Variants in PPP2R5E observed in about 807,000 individuals in gnomAD.
PPP2R5E encodes protein phosphatase 2 regulatory subunit B'epsilon, also known as serine/threonine-protein phosphatase 2A 56 kDa regulatory subunit epsilon isoform.
A neutral mutation model predicts 65.3 loss-of-function variants in PPP2R5E; 4 were observed. The observed-to-expected ratio is 0.06, with a 90% CI of 0.03 to 0.14. PPP2R5E has a LOEUF of 0.14. PPP2R5E is among the 10% of genes least tolerant of loss of function. PPP2R5E has a pLI of 1.00. For missense variants in PPP2R5E, 274 were observed against 556.1 expected, an observed-to-expected ratio of 0.49 and a Z score of 5.10; for synonymous variants, 183 against 187.4, an observed-to-expected ratio of 0.98 and a Z score of 0.19.
Position 63,396,736 on chromosome 14 carries a change from T to G in PPP2R5E, c.550-20A>C. ...CAGAAGCTGTTGTAAATGAAAGACA[T>G]TATAGCTGTCAAAGGCGGTTTCAGA... On this transcript the variant is annotated intron_variant, in intron 5 of 13. Coordinates refer to ENST00000337537, the MANE Select transcript of PPP2R5E (RefSeq NM_006246.5). 1 of 1,609,076 alleles carries G rather than the reference T, an allele frequency of 6.2e-7. No individual in the cohort carries two copies. Among genetic ancestry groups the G allele is most frequent in the Non-Finnish European group, 8.5e-7 (1 of 1,178,384 alleles).
intron 5 of PPP2R5E, among the ~76,000 whole-genome samples, chr14:63,406,138 G>A (rs1271815568): frequency 2.6e-5 from 4 of 152,084 alleles, no homozygotes; most frequent in South Asian, 2.1e-4. Flanking sequence ...TTGGCCAGGC[G>A]CAGTGACTCA....
At chr14:63,522,266 A>G (rs1892947905) in intron 2 of PPP2R5E, among the ~76,000 whole-genome samples, 3 of 152,044 alleles carry the variant, frequency 2.0e-5, no homozygotes, top group Admixed American at 2.0e-4. Context: ...CCCAGGCTGG[A>G]GTGCAGTGGC....
intron 2 of PPP2R5E, among the ~76,000 whole-genome samples, chr14:63,472,826 G>A (rs1054915022): frequency 3.3e-5 from 5 of 152,182 alleles, no homozygotes; most frequent in Admixed American, 6.5e-5. Flanking sequence ...TGGCCAGAAA[G>A]GACTTTACAA....
rs545207708 is a variant in PPP2R5E at position 63,420,011 on chromosome 14, CAG to C, written c.456+1980_456+1981del. Reference sequence around the variant, plus strand: ...GAAATTAATTTGGTCCTGTATTTTACAGAGTCATTAAGTATGGGAAGGATTAA... The same window carrying C: ...GAAATTAATTTGGTCCTGTATTTTACAGTCATTAAGTATGGGAAGGATTAA... On this transcript the variant is annotated intron_variant, in intron 4 of 13. Coordinates refer to ENST00000337537, the MANE Select transcript of PPP2R5E (RefSeq NM_006246.5). 8.6e-4 allele frequency among the ~76,000 whole-genome samples: 131 copies of C among 151,602 alleles called. 1 individual carries two copies. The highest frequency in any genetic ancestry group is 2.8e-3 in the African/African-American group (114 of 41,362).
At chr14:63,531,104 G>T (rs1384200871) in intron 2 of PPP2R5E, among the ~76,000 whole-genome samples, 16 of 152,144 alleles carry the variant, frequency 1.1e-4, no homozygotes, top group Admixed American at 1.0e-3. Flanking sequence ...GGAGGCGGAG[G>T]TTGCAGAGAG....
rs562867716 is a variant in PPP2R5E, at chr14:63,522,347, G to T, written c.157+17182C>A. Among the ~76,000 whole-genome samples the T allele has an allele frequency of 2.8e-4, 42 of 151,888 alleles. No homozygotes were observed. The South Asian group carries it at 5.6e-3, about 20-fold the overall frequency. ...GGCCTCCCAAAGTGCCGAGATTGCA[G>T]CCTCTGCCCGGCCGCCACCCCGTCT... On this transcript the variant is annotated intron_variant, in intron 2 of 13. Coordinates refer to ENST00000337537, the MANE Select transcript of PPP2R5E (RefSeq NM_006246.5).
At chr14:63,514,264 GC>G (rs576504914) in intron 2 of PPP2R5E, among the ~76,000 whole-genome samples, 74 of 152,072 alleles carry the variant, frequency 4.9e-4, no homozygotes, top group African/African-American at 1.6e-3. Context: ...CCTCCTACAT[GC>G]CAGACACTGC....
chr14:63,439,429 C>T (rs1041236332), intron 3 of PPP2R5E, among the ~76,000 whole-genome samples: 25 of 151,968 alleles, frequency 1.6e-4, no homozygotes, highest in African/African-American at 6.0e-4. Flanking sequence ...GGCTAGAGTG[C>T]AATGGCACGA....
intron 2 of PPP2R5E, among the ~76,000 whole-genome samples, chr14:63,462,614 T>C (rs1288020450): frequency 1.3e-5 from 2 of 152,174 alleles, no homozygotes; most frequent in Non-Finnish European, 2.9e-5. Flanking sequence ...TACGTAATGT[T>C]AGTTGAGTAA....
At chr14:63,392,149 T>G in intron 8 of PPP2R5E, 124 bp from the exon 9 acceptor site, 1 of 618,056 alleles carries the variant, frequency 1.6e-6, no homozygotes, top group Non-Finnish European at 2.6e-6. Flanking sequence ...ATTCAATTCA[T>G]TTTAATTATC....
At chr14:63,454,352 G>A (rs765446419) in intron 2 of PPP2R5E, among the ~76,000 whole-genome samples, 9 of 152,098 alleles carry the variant, frequency 5.9e-5, no homozygotes, top group Non-Finnish European at 1.3e-4. Flanking sequence ...AGCTATTGTT[G>A]TGTGTTTATA....
At chr14:63,454,607 C>G (rs1889020520) in intron 2 of PPP2R5E, among the ~76,000 whole-genome samples, 1 of 152,180 alleles carries the variant, frequency 6.6e-6, no homozygotes, top group Admixed American at 6.5e-5. Context: ...CCGCAAACAG[C>G]AGGTCAGACA....
intron 2 of PPP2R5E, among the ~76,000 whole-genome samples, chr14:63,478,571 C>T (rs1890526440): frequency 1.4e-5 from 2 of 139,734 alleles, no homozygotes; most frequent in African/African-American, 6.2e-5. Flanking sequence ...ACAGGTAATG[C>T]AGATTCTGGA....
At chr14:63,516,610 C>T (rs912432994) in intron 2 of PPP2R5E, among the ~76,000 whole-genome samples, 3 of 152,204 alleles carry the variant, frequency 2.0e-5, no homozygotes, top group East Asian at 1.9e-4. Context: ...TATCTGTCCA[C>T]GTATCATCAA....
chr14:63,434,754 G>C (rs1051911563), intron 3 of PPP2R5E, among the ~76,000 whole-genome samples: 1 of 152,094 alleles, frequency 6.6e-6, no homozygotes, highest in Non-Finnish European at 1.5e-5. Context: ...ATTCTTTCAA[G>C]AAGTTCACTA....
At chr14:63,471,649 T>C (rs1594912439) in intron 2 of PPP2R5E, among the ~76,000 whole-genome samples, 2 of 152,154 alleles carry the variant, frequency 1.3e-5, no homozygotes, top group African/African-American at 4.8e-5. Context: ...TATTTTTACA[T>C]ATAAAAATTG....
intron 3 of PPP2R5E, among the ~76,000 whole-genome samples, chr14:63,422,891 G>A (rs1386608576): frequency 6.6e-6 from 1 of 152,028 alleles, no homozygotes; most frequent in African/African-American, 2.4e-5. Context: ...TCAACAAGTT[G>A]GTTTACAAAA....
intron 3 of PPP2R5E, among the ~76,000 whole-genome samples, chr14:63,451,063 A>G (rs771512758): frequency 6.6e-6 from 1 of 152,218 alleles, no homozygotes; most frequent in Non-Finnish European, 1.5e-5. Flanking sequence ...GGAATGCAAA[A>G]TAGTACCACT....
At chr14:63,515,175 T>C (rs1312148586) in intron 2 of PPP2R5E, among the ~76,000 whole-genome samples, 2 of 152,110 alleles carry the variant, frequency 1.3e-5, no homozygotes, top group African/African-American at 4.8e-5. Context: ...GTCAAAAATG[T>C]TAACAGATGG....
Sources: allele counts gnomAD v4.1 joint callset (sites outside exome capture counted in the v4.1 genomes callset), GRCh38; gene constraint gnomAD v4.1.1; transcripts MANE v1.5; gene names NCBI Gene and HGNC (gene_info 2026-07-23, HGNC 2026-07-21).